Variants in NEXN observed in about 807,000 individuals in gnomAD.
NEXN encodes the protein nexilin.
NEXN carries 65 observed loss-of-function variants against 92.6 expected under a neutral mutation model. The observed-to-expected ratio is 0.70, with a 90% CI of 0.57 to 0.86. NEXN has a LOEUF of 0.86. Among genes scored for constraint, NEXN ranks in the 40% least tolerant of loss-of-function variants. The probability of loss-of-function intolerance (pLI) is 0.00; values close to 1 mark genes in which losing one functional copy is unlikely to be tolerated. For missense variants in NEXN, 778 were observed against 771.1 expected, an observed-to-expected ratio of 1.01 and a Z score of -0.11; for synonymous variants, 254 against 242.5, an observed-to-expected ratio of 1.05 and a Z score of -0.44.
At chr1:77,941,983 GA>G (rs1192841048) in intron 11 of NEXN, 39 bp from the exon 12 acceptor site, 1 of 1,592,346 alleles carries the variant, frequency 6.3e-7, no homozygotes, top group East Asian at 2.3e-5. Flanking sequence ...TTTGTTTTTA[GA>G]AGGCAAGCAA....
At chr1:77,926,316 T>C in intron 6 of NEXN, 98 bp from the exon 7 acceptor site, 1 of 754,518 alleles carries the variant, frequency 1.3e-6, no homozygotes, top group Non-Finnish European at 2.3e-6. Context: ...ATAACATTGA[T>C]GACAGTGTAA....
At chr1:77,922,342 G>T (rs926349428) in intron 5 of NEXN, among the ~76,000 whole-genome samples, 3 of 151,044 alleles carry the variant, frequency 2.0e-5, no homozygotes, top group African/African-American at 7.3e-5. Context: ...TGTTAGCCAG[G>T]ATGGTCTCAA....
chr1:77,917,782 G>C (rs1749913), intron 3 of NEXN, 25 bp downstream of exon 3: 3 of 1,566,054 alleles, frequency 1.9e-6, no homozygotes, highest in African/African-American at 1.4e-5. Flanking sequence ...CTTTATTCTC[G>C]TGAAAATATT....
intron 1 of NEXN, among the ~76,000 whole-genome samples, chr1:77,897,609 A>T (rs1647335145): frequency 6.6e-6 from 1 of 151,954 alleles, no homozygotes; most frequent in Admixed American, 6.6e-5. Context: ...CAAGACAGGG[A>T]TGCCCTCTCT....
rs934315440 is a variant in NEXN, at chr1:77,933,588, A to G, written c.1251+109A>G. On this transcript the variant is annotated intron_variant, in intron 10 of 12. Transcript: ENST00000334785. ...ATTATTCACCTTTAGGATAGTTGAC[A>G]TAGTATTATGAGGTGCTTACATGGT... 20 of 890,820 alleles carry G rather than the reference A, an allele frequency of 2.2e-5. No homozygotes were observed. The African/African-American group carries it at 2.5e-4, about 11-fold the overall frequency. 55.2% of individuals were successfully genotyped at this position (890,820 alleles called of 1,614,324 possible). A position where few individuals can be genotyped will look rare whatever the true frequency, so the allele number is the denominator to read the frequency against.
Position 77,918,267 on chromosome 1 carries a change from T to C in NEXN, c.441T>C (p.Ala147=). Residue 147 remains alanine (A), a synonymous_variant, in exon 5 of 13, where the codon GCT becomes GCC. Transcript: ENST00000334785. ...TACAGCGTGAATTAGCAAAAAGGGC[T>C]GAACAGGTATCACTGAAGATTAAGT... ...RKIQRELAKR[A]EQIEDINNTG... is the part of the protein sequence containing the mutation. 1 of 1,614,120 alleles carries C rather than the reference T, an allele frequency of 6.2e-7. No homozygotes were observed. Among genetic ancestry groups the C allele is most frequent in the Admixed American group, 1.7e-5 (1 of 60,026 alleles).
intron 9 of NEXN, 91 bp downstream of exon 9, chr1:77,929,595 T>C: frequency 6.5e-7 from 1 of 1,541,734 alleles, no homozygotes. Flanking sequence ...TACCCTATTA[T>C]TTCTGGAAAC....
intron 5 of NEXN, among the ~76,000 whole-genome samples, chr1:77,924,667 C>T (rs2247811): frequency 8.2e-4 from 124 of 150,900 alleles, no homozygotes; most frequent in Non-Finnish European, 1.5e-3. Context: ...GTTTTTTTTT[C>T]TTTTTTTCTT....
At position 77,942,025 on chromosome 1, in the gene NEXN, A is replaced by G; in HGVS notation, c.1476A>G (p.Glu492=). 1 of 1,612,446 alleles carries G rather than the reference A, an allele frequency of 6.2e-7. No individual in the cohort carries two copies. Among genetic ancestry groups the G allele is most frequent in the Non-Finnish European group, 8.5e-7 (1 of 1,178,996 alleles). Residue 492 remains glutamate, a splice_region_variant and synonymous_variant, in exon 12 of 13, where the codon GAA becomes GAG. Transcript: ENST00000334785. The part of the protein sequence containing the change: ...KEREAENFHE[E]DDVDVRPARK... ...AATCTTGGCCCACTTTCTTGCAGGA[A>G]GATGATGTTGATGTTAGGCCTGCAA...
At chr1:77,917,901 T>C in intron 3 of NEXN, 59 bp from the exon 4 acceptor site, 1 of 1,490,098 alleles carries the variant, frequency 6.7e-7, no homozygotes, top group Non-Finnish European at 9.3e-7. Context: ...ACTCTGCATA[T>C]AATGTGATTT....
At chr1:77,935,230 G>A (rs1650651573) in intron 10 of NEXN, among the ~76,000 whole-genome samples, 1 of 152,142 alleles carries the variant, frequency 6.6e-6, no homozygotes, top group Non-Finnish European at 1.5e-5. Context: ...TAGAAAGGGG[G>A]TTTCACCATG....
At chr1:77,922,235 GT>G (rs1649481899) in intron 5 of NEXN, among the ~76,000 whole-genome samples, 1 of 150,364 alleles carries the variant, frequency 6.7e-6, no homozygotes, top group African/African-American at 2.4e-5. Context: ...CACCTCCCAG[GT>G]TCATGCCATT....
chr1:77,943,405 A>G lies in NEXN; in HGVS notation c.*576A>G, dbSNP rs1479669724. 7 of 164,538 alleles carry G rather than the reference A, an allele frequency of 4.3e-5. 1 individual carries two copies. The highest frequency in any genetic ancestry group is 1.8e-4 in the East Asian group (1 of 5,642). 10.2% of individuals were successfully genotyped at this position (164,538 alleles called of 1,614,324 possible). On this transcript the variant is annotated 3_prime_UTR_variant, in exon 13 of 13. Transcript: ENST00000334785. ...AGTAGTACACCATTTTGGTTGTTGTAGTTTCAAAGTCTTTCTGAAGCAGAT... is the reference window on the plus strand; with the variant it reads ...AGTAGTACACCATTTTGGTTGTTGTGGTTTCAAAGTCTTTCTGAAGCAGAT...
intron 11 of NEXN, among the ~76,000 whole-genome samples, chr1:77,941,079 C>T (rs1367065251): frequency 6.6e-6 from 1 of 152,168 alleles, no homozygotes; most frequent in Non-Finnish European, 1.5e-5. Flanking sequence ...AAGTGAAACA[C>T]CCGAACCAAG....
At chr1:77,897,206 A>C (rs1002783906) in intron 1 of NEXN, among the ~76,000 whole-genome samples, 33 of 152,218 alleles carry the variant, frequency 2.2e-4, no homozygotes, top group African/African-American at 7.7e-4. Context: ...GACACAACCA[A>C]AAAAGAGAAT....
At position 77,910,762 on chromosome 1, in the gene NEXN, A is replaced by AAAAC. The variant is rs1553235539; in HGVS notation, c.-52-5290_-52-5289insCAAA. On this transcript the variant is annotated intron_variant, in intron 1 of 12. Coordinates refer to ENST00000334785, the MANE Select transcript of NEXN (RefSeq NM_144573.4). Reference sequence around the variant, plus strand: ...TGAGACTGTCTCAAAAAAAAAAAAAAAAAAAAAAACTAATAAGTTATTTTA... The same window carrying AAAAC: ...TGAGACTGTCTCAAAAAAAAAAAAAAAAACAAAAAAAAACTAATAAGTTATTTTA... 3.4e-4 allele frequency among the ~76,000 whole-genome samples: 46 copies of AAAAC among 135,314 alleles called. 1 individual carries two copies. The highest frequency in any genetic ancestry group is 4.6e-4 in the Non-Finnish European group (30 of 64,760). The allele number at this position is 135,314 out of a possible 152,430, so 88.8% of individuals were successfully genotyped here.
intron 1 of NEXN, among the ~76,000 whole-genome samples, chr1:77,911,156 T>C (rs1407925851): frequency 1.3e-5 from 2 of 152,182 alleles, no homozygotes; most frequent in African/African-American, 2.4e-5. Context: ...ATTATACTTC[T>C]GTATGCAGGT....
At chr1:77,931,457 A>G (rs1339608225) in intron 9 of NEXN, among the ~76,000 whole-genome samples, 1 of 149,916 alleles carries the variant, frequency 6.7e-6, no homozygotes, top group African/African-American at 2.4e-5. Context: ...GGTAGAAGAG[A>G]AGTAACTGTG....
chr1:77,926,058 T>C (rs1009080762), intron 6 of NEXN, among the ~76,000 whole-genome samples: 1 of 152,162 alleles, frequency 6.6e-6, no homozygotes, highest in African/African-American at 2.4e-5. Flanking sequence ...AAACTGAATC[T>C]ATCCACCATC....
Sources: allele counts gnomAD v4.1 joint callset (sites outside exome capture counted in the v4.1 genomes callset), GRCh38; gene constraint gnomAD v4.1.1; transcripts MANE v1.5; gene names NCBI Gene and HGNC (gene_info 2026-07-23, HGNC 2026-07-21).